Variants in DSCAML1 observed in about 807,000 individuals in gnomAD.
DSCAML1 encodes cell adhesion molecule DSCAML1.
DSCAML1 carries 38 observed loss-of-function variants against 200.5 expected under a neutral mutation model. The ratio of observed to expected loss-of-function variants is 0.19; its 90% CI spans 0.15 to 0.25. The LOEUF (loss-of-function observed/expected upper bound fraction) is 0.25, where lower values mean the gene tolerates loss of function less well. Ranked by LOEUF, DSCAML1 falls within the 10% of genes least tolerant of loss-of-function variation. The pLI is 1.00. For synonymous variants in DSCAML1, 1,215 were observed against 1,165.0 expected, an observed-to-expected ratio of 1.04 and a Z score of -0.87; for missense variants, 2,223 against 2,858.8, an observed-to-expected ratio of 0.78 and a Z score of 5.07.
In DSCAML1 at chr11:117,542,327, C is replaced by CAACAACAACA. The variant is rs11432643; in HGVS notation, c.512-9806_512-9805insTGTTGTTGTT. Among the ~76,000 whole-genome samples the CAACAACAACA allele has an allele frequency of 9.9e-4, 129 of 129,888 alleles. 1 individual carries two copies. Among genetic ancestry groups the CAACAACAACA allele is most frequent in the Admixed American group, 2.3e-3 (32 of 13,840 alleles). The allele number at this position is 129,888 out of a possible 152,430, so 85.2% of individuals were successfully genotyped here. A position where few individuals can be genotyped will look rare whatever the true frequency, so the allele number is the denominator to read the frequency against. Reference sequence around the variant, plus strand: ...CAAAACAAAACAAAACAAAACAAAACACAAAAACAACAACAACAACAACAA... The same window carrying CAACAACAACA: ...CAAAACAAAACAAAACAAAACAAAACAACAACAACAACAAAAACAACAACAACAACAACAA... On this transcript the variant is annotated intron_variant, in intron 3 of 32. Transcript: ENST00000651296.
intron 15 of DSCAML1, among the ~76,000 whole-genome samples, chr11:117,470,888 A>G (rs2048672536): frequency 6.6e-6 from 1 of 152,222 alleles, no homozygotes; most frequent in Non-Finnish European, 1.5e-5. Flanking sequence ...ACGGAAGAAT[A>G]GATGAAGTAT....
At chr11:117,493,094 G>T (rs1415631256) in intron 11 of DSCAML1, among the ~76,000 whole-genome samples, 1 of 152,156 alleles carries the variant, frequency 6.6e-6, no homozygotes, top group Non-Finnish European at 1.5e-5. Context: ...CAAGGGGTAG[G>T]GGTGAGGGTC....
intron 3 of DSCAML1, among the ~76,000 whole-genome samples, chr11:117,558,417 A>G (rs1022765561): frequency 2.6e-5 from 4 of 152,192 alleles, no homozygotes; most frequent in African/African-American, 9.6e-5. Flanking sequence ...GAAGATAATA[A>G]AACAATAGCC....
At position 117,758,415 on chromosome 11, in the gene DSCAML1, T is replaced by G. The variant is rs149850118; in HGVS notation, c.511+18376A>C. On this transcript the variant is annotated intron_variant, in intron 3 of 32. Transcript: ENST00000651296. ...ACTGTTTTGTTTTGTTTTGTTTTGT[T>G]TTTTGAGACGGAGTCTCGCTCTGTT... Among the ~76,000 whole-genome samples, 482 of 151,858 alleles carry G rather than the reference T, an allele frequency of 3.2e-3. 5 individuals carry two copies. In the East Asian group the frequency reaches 0.054, roughly 17 times the overall value.
At position 117,432,462 on chromosome 11, in the gene DSCAML1, C is replaced by T; in HGVS notation, c.5069G>A (p.Ser1690Asn). 2 of 1,614,188 alleles carry T rather than the reference C, an allele frequency of 1.2e-6. No homozygotes were observed. Among genetic ancestry groups the T allele is most frequent in the Non-Finnish European group, 1.7e-6 (2 of 1,180,032 alleles). ...GAAGCTCTGTGGGTTGACAGCTTGG[C>T]TGAACTCAGCATCTGTCACAGGGAT... ...ATIPVTDAEF[S>N]QAVNPQSFCT... The change falls in exon 30 of 33, where the codon AGC (serine) becomes AAC (asparagine). Residue 1690 changes from serine (S) to asparagine (N), a missense_variant. Ser to Asn is a conservative substitution (Grantham distance 46). This residue lies in a region of DSCAML1 where 614 missense variants were observed against 739.1 expected (regional missense o/e 0.83). Coordinates refer to ENST00000651296, the MANE Select transcript of DSCAML1 (RefSeq NM_020693.4).
chr11:117,523,809 TTC>T (rs1421944985), intron 5 of DSCAML1, among the ~76,000 whole-genome samples: 3 of 152,212 alleles, frequency 2.0e-5, no homozygotes, highest in African/African-American at 7.2e-5. Flanking sequence ...CCTCTGGACG[TTC>T]TCTTTCCACT....
intron 3 of DSCAML1, among the ~76,000 whole-genome samples, chr11:117,746,844 C>G (rs1448579197): frequency 6.6e-6 from 1 of 152,172 alleles, no homozygotes; most frequent in African/African-American, 2.4e-5. Context: ...CTTCAGGACT[C>G]GGCTGAAATC....
rs1360519702 is a variant in DSCAML1 at position 117,431,724 on chromosome 11, T to C, written c.5184A>G (p.Pro1728=). ...CTGACTTCACATTCTTCCTGGACAC[T>C]GGATCTGCACAGACAGAAGCAAGAA... is the stretch of plus-strand genomic sequence containing the variant. ...DMSDIRPGTN[P]VSRKNVKSAH... is the part of the protein sequence containing the mutation. The change falls in exon 31 of 33, where the codon CCA becomes CCG. Residue 1728 remains proline, a synonymous_variant. Transcript: ENST00000651296. The C allele has an allele frequency of 3.8e-6, 6 of 1,574,716 alleles. No homozygotes were observed. The highest frequency in any genetic ancestry group is 3.4e-4 in the Middle Eastern group (2 of 5,906).
chr11:117,632,054 C>T (rs2052185386), intron 3 of DSCAML1, among the ~76,000 whole-genome samples: 1 of 152,206 alleles, frequency 6.6e-6, no homozygotes, highest in African/African-American at 2.4e-5. Context: ...GGCCATATAG[C>T]CTAATGGTTA....
chr11:117,623,047 C>T (rs923258412), intron 3 of DSCAML1, among the ~76,000 whole-genome samples: 3 of 152,092 alleles, frequency 2.0e-5, no homozygotes, highest in African/African-American at 4.8e-5. Context: ...TCTACGGTCT[C>T]AGGCAGGTTA....
At chr11:117,773,559 ACACAG>A (rs545719578) in intron 3 of DSCAML1, among the ~76,000 whole-genome samples, 1 of 150,950 alleles carries the variant, frequency 6.6e-6, no homozygotes, top group South Asian at 2.1e-4. Flanking sequence ...ACACACACAC[ACACAG>A]CACAGCACAC....
chr11:117,769,224 GTATATATTA>G (rs1455888692), intron 3 of DSCAML1, among the ~76,000 whole-genome samples: 25 of 3,570 alleles, frequency 7.0e-3, no homozygotes, highest in African/African-American at 0.011. Context: ...TATATATATT[GTATATATTA>G]TATATTTTAT....
At chr11:117,631,498 T>C (rs921811163) in intron 3 of DSCAML1, among the ~76,000 whole-genome samples, 1 of 152,312 alleles carries the variant, frequency 6.6e-6, no homozygotes, top group East Asian at 1.9e-4. Context: ...CCTAGAACTT[T>C]CTGGGGCCTA....
At chr11:117,537,778 C>G (rs1010556831) in intron 3 of DSCAML1, among the ~76,000 whole-genome samples, 2 of 152,180 alleles carry the variant, frequency 1.3e-5, no homozygotes, top group African/African-American at 4.8e-5. Context: ...ATGCACGTAA[C>G]AGCAACGAAA....
intron 3 of DSCAML1, among the ~76,000 whole-genome samples, chr11:117,688,727 T>C (rs1187437234): frequency 6.6e-6 from 1 of 152,204 alleles, no homozygotes; most frequent in Non-Finnish European, 1.5e-5. Context: ...GGGAAGATAC[T>C]TCGAAGAGGC....
rs898691483 is a variant in DSCAML1 at position 117,504,381 on chromosome 11, T to G, written c.2183-360A>C. Among the ~76,000 whole-genome samples, 1 of 152,206 alleles carries G rather than the reference T, an allele frequency of 6.6e-6. No individual in the cohort carries two copies. Among genetic ancestry groups the G allele is most frequent in the African/African-American group, 2.4e-5 (1 of 41,450 alleles). ...AGAAGATTGAGCCTTCAAATGGCAG[T>G]TGTCTGGTCTCAGGCAACCAGGCCT... On this transcript the variant is annotated intron_variant, in intron 10 of 32. Transcript: ENST00000651296. This position sits in a 1 kb window ranked among gnomAD's most constrained non-coding sequence, Gnocchi z 5.0.
At chr11:117,444,368 A>AT (rs2048133962) in intron 20 of DSCAML1, among the ~76,000 whole-genome samples, 2 of 152,094 alleles carry the variant, frequency 1.3e-5, no homozygotes, top group Non-Finnish European at 2.9e-5. Flanking sequence ...AGAAGGGAGA[A>AT]TGGGGGACAG....
chr11:117,619,105 G>A (rs966330709), intron 3 of DSCAML1, among the ~76,000 whole-genome samples: 4 of 152,130 alleles, frequency 2.6e-5, no homozygotes, highest in Admixed American at 2.0e-4. Flanking sequence ...GTTCTAGCTC[G>A]GGGCGCCTGT....
intron 3 of DSCAML1, chr11:117,611,695 C>T (rs1448547057): frequency 6.6e-6 from 1 of 152,266 alleles, no homozygotes. Context: ...CCTTTCTCTT[C>T]TCTCTGCACA....
Sources: gnomAD v4.1 joint callset for allele counts (sites outside exome capture counted in the v4.1 genomes callset) on GRCh38, gnomAD v4.1.1 for gene constraint, gnomAD v4.1.1 regional missense constraint, Gnocchi (gnomAD v3.1) non-coding constraint, MANE v1.5 for transcripts, NCBI Gene and HGNC (gene_info 2026-07-23, HGNC 2026-07-21) for gene names.